CSMD1: variants seen among roughly 807,000 people sequenced by gnomAD.
CSMD1 encodes CUB and sushi domain-containing protein 1.
In CSMD1, 213 loss-of-function variants were observed where a neutral mutation model predicts 417.5. That is an observed-to-expected ratio of 0.51 (90% CI 0.46 to 0.57). The LOEUF is 0.57. CSMD1 is among the 20% of genes least tolerant of loss of function. The pLI, the probability that CSMD1 is intolerant of heterozygous loss-of-function variation, is 0.00. For missense variants in CSMD1, 6,923 were observed against 4,529.7 expected (o/e 1.53, Z -15.17); for synonymous variants, 2,862 against 1,736.8 (o/e 1.65, Z -16.11).
chr8:4,151,470 A>G (rs1275663706), intron 3 of CSMD1, among the ~76,000 whole-genome samples: 4 of 152,360 alleles, frequency 2.6e-5, no homozygotes, highest in Middle Eastern at 3.4e-3. Context: ...ACCCATATCT[A>G]GTTTAACAAA....
At chr8:3,396,601 T>C (rs960951378) in intron 16 of CSMD1, among the ~76,000 whole-genome samples, 1 of 152,204 alleles carries the variant, frequency 6.6e-6, no homozygotes, top group Non-Finnish European at 1.5e-5. Context: ...TCTAATATTC[T>C]GTCTTACAAT....
At chr8:4,453,911 T>C (rs1799313341) in intron 2 of CSMD1, among the ~76,000 whole-genome samples, 1 of 128,100 alleles carries the variant, frequency 7.8e-6, no homozygotes. Flanking sequence ...CAGCTCCGCC[T>C]CCCAGGTTCA....
rs1281801638 is a variant in CSMD1, at chr8:4,138,203, A to AC, written c.416-106105dup. 2.4e-3 allele frequency among the ~76,000 whole-genome samples: 279 copies of AC among 114,836 alleles called. 18 individuals carry two copies. Among genetic ancestry groups the AC allele is most frequent in the African/African-American group, 8.3e-3 (255 of 30,636 alleles). 75.3% of individuals were successfully genotyped at this position (114,836 alleles called of 152,430 possible). On this transcript the variant is annotated intron_variant, in intron 3 of 69. Transcript: ENST00000635120. ...GTGCTGGGATTACAGGCGCAGCCTT[A>AC]CATTTTTTTTTTTTTTTTTTTTCAG...
At position 3,042,574 on chromosome 8, in the gene CSMD1, T is replaced by G. The variant is rs577321103; in HGVS notation, c.7660+9888A>C. Among the ~76,000 whole-genome samples, 107 of 152,254 alleles carry G rather than the reference T, an allele frequency of 7.0e-4. 1 individual carries two copies. The South Asian group carries it at 0.013, about 18-fold the overall frequency. ...ACGGGCACTTTACGCTAGTTCCACATGGGTAACCCTGTGGATGAGCATAAA... is the reference window on the plus strand; with the variant it reads ...ACGGGCACTTTACGCTAGTTCCACAGGGGTAACCCTGTGGATGAGCATAAA... On this transcript the variant is annotated intron_variant, in intron 50 of 69. Transcript: ENST00000635120.
At chr8:4,419,121 G>A (rs931246205) in intron 3 of CSMD1, among the ~76,000 whole-genome samples, 4 of 152,138 alleles carry the variant, frequency 2.6e-5, no homozygotes, top group African/African-American at 7.2e-5. Flanking sequence ...AGTAGCAAAT[G>A]ACATCCCAAG....
At chr8:3,217,647 T>A (rs1298380798) in intron 29 of CSMD1, among the ~76,000 whole-genome samples, 1 of 152,208 alleles carries the variant, frequency 6.6e-6, no homozygotes, top group Admixed American at 6.5e-5. Context: ...AGTACTGTTT[T>A]CAACTATTCC....
intron 61 of CSMD1, 31 bp from the exon 62 acceptor site, chr8:2,961,245 G>A (rs755956094): frequency 7.2e-6 from 10 of 1,392,402 alleles, no homozygotes; most frequent in African/African-American, 2.8e-5. Flanking sequence ...AGAAAAGAGG[G>A]CACCAGATAT....
chr8:4,708,109 A>G lies in CSMD1; in HGVS notation c.86-70551T>C, dbSNP rs368811589. Reference sequence around the variant, plus strand: ...CAGGCATCTGCCAATACACTGGCTAATTTTTTGTATTTTTTTTTATTTTTT... The same window carrying G: ...CAGGCATCTGCCAATACACTGGCTAGTTTTTTGTATTTTTTTTTATTTTTT... On this transcript the variant is annotated intron_variant, in intron 1 of 69. Transcript: ENST00000635120. 2.5e-3 allele frequency among the ~76,000 whole-genome samples: 346 copies of G among 136,664 alleles called. 10 individuals are homozygous for G. The South Asian group carries it at 0.063, about 25-fold the overall frequency. The allele number at this position is 136,664 out of a possible 152,430, so 89.7% of individuals were successfully genotyped here.
At chr8:4,644,779 A>C (rs1164582714) in intron 1 of CSMD1, among the ~76,000 whole-genome samples, 1 of 152,236 alleles carries the variant, frequency 6.6e-6, no homozygotes, top group Non-Finnish European at 1.5e-5. Flanking sequence ...TTACGCATTG[A>C]TGATCTCTTT....
intron 52 of CSMD1, among the ~76,000 whole-genome samples, chr8:3,015,611 T>A (rs975192877): frequency 6.6e-6 from 1 of 151,972 alleles, no homozygotes; most frequent in African/African-American, 2.4e-5. Context: ...AAATTATATA[T>A]ATATATATCT....
chr8:3,713,132 T>G (rs1288146127), intron 6 of CSMD1, among the ~76,000 whole-genome samples: 1 of 152,184 alleles, frequency 6.6e-6, no homozygotes, highest in African/African-American at 2.4e-5. Context: ...GGGGGAAATA[T>G]TTTTAGTTTA....
chr8:4,765,331 A>G (rs1318829322), intron 1 of CSMD1, among the ~76,000 whole-genome samples: 1 of 152,164 alleles, frequency 6.6e-6, no homozygotes, highest in African/African-American at 2.4e-5. Flanking sequence ...GACTGGGATC[A>G]TTTTCACTTC....
intron 3 of CSMD1, among the ~76,000 whole-genome samples, chr8:4,358,218 T>C (rs900466005): frequency 7.2e-5 from 11 of 152,236 alleles, no homozygotes; most frequent in Admixed American, 2.0e-4. Flanking sequence ...TATAATTTTA[T>C]GTACCAAATG....
intron 3 of CSMD1, among the ~76,000 whole-genome samples, chr8:4,159,204 C>T (rs1381433471): frequency 6.6e-6 from 1 of 152,176 alleles, no homozygotes; most frequent in Non-Finnish European, 1.5e-5. Context: ...GCATGAGCCA[C>T]CGTGCCCAGC....
chr8:3,456,246 C>G (rs544385603), intron 12 of CSMD1, among the ~76,000 whole-genome samples: 1 of 152,068 alleles, frequency 6.6e-6, no homozygotes, highest in Non-Finnish European at 1.5e-5. Context: ...ATTCCCTGAC[C>G]GCTTGCTCTT....
intron 2 of CSMD1, among the ~76,000 whole-genome samples, chr8:4,443,441 C>G (rs553886578): frequency 1.8e-3 from 269 of 152,324 alleles, no homozygotes; most frequent in African/African-American, 6.3e-3. Context: ...TTCAACAACA[C>G]TGAATTGTAT....
chr8:3,885,938 T>G (rs1189499211), intron 5 of CSMD1, among the ~76,000 whole-genome samples: 1 of 152,124 alleles, frequency 6.6e-6, no homozygotes, highest in East Asian at 1.9e-4. Flanking sequence ...TTGTTAAAAG[T>G]TGATAAGTTA....
chr8:4,206,692 A>G (rs1474149905), intron 3 of CSMD1, among the ~76,000 whole-genome samples: 2 of 152,188 alleles, frequency 1.3e-5, no homozygotes, highest in Non-Finnish European at 2.9e-5. Context: ...TCCTTTGGGT[A>G]TATACCCTGT....
chr8:4,743,576 C>T lies in CSMD1; in HGVS notation c.86-106018G>A, dbSNP rs970870331. ...TCATTAACCACAGAGAGTGGCTATC[C>T]TGATTATTGGGTCATTCCCTGGATA... On this transcript the variant is annotated intron_variant, in intron 1 of 69. Transcript: ENST00000635120. Among the ~76,000 whole-genome samples the T allele has an allele frequency of 3.3e-5, 5 of 152,126 alleles. No individual in the cohort carries two copies. The East Asian group carries it at 7.7e-4, about 23-fold the overall frequency.
Sources: gnomAD v4.1 joint callset for allele counts (sites outside exome capture counted in the v4.1 genomes callset) on GRCh38, gnomAD v4.1.1 for gene constraint, MANE v1.5 for transcripts, NCBI Gene and HGNC (gene_info 2026-07-23, HGNC 2026-07-21) for gene names.